ZFPM2: variants seen among roughly 807,000 people sequenced by gnomAD.
ZFPM2 encodes zinc finger protein ZFPM2.
In ZFPM2, 20 loss-of-function variants were observed where a neutral mutation model predicts 98.6. The ratio of observed to expected loss-of-function variants is 0.20; its 90% confidence interval spans 0.14 to 0.29. ZFPM2 has a LOEUF of 0.29. ZFPM2 is among the 10% of genes least tolerant of loss of function. The probability of loss-of-function intolerance (pLI) is 1.00; values close to 1 mark genes in which losing one functional copy is unlikely to be tolerated. For missense variants in ZFPM2, 1,310 were observed against 1,388.6 expected (o/e 0.94, Z 0.90); for synonymous variants, 518 against 502.7 (o/e 1.03, Z -0.41).
chr8:105,515,434 A>T (rs1310037997), intron 3 of ZFPM2, among the ~76,000 whole-genome samples: 3 of 152,202 alleles, frequency 2.0e-5, no homozygotes, highest in Admixed American at 6.5e-5. Flanking sequence ...CCCTATGAAT[A>T]GCAAGAAGTA....
rs1810850299 is a variant in ZFPM2, at chr8:105,380,725, TAAC to T, written c.41-38417_41-38415del. 1.2e-4 allele frequency among the ~76,000 whole-genome samples: 5 copies of T among 40,046 alleles called. 1 individual carries two copies. Among genetic ancestry groups the T allele is most frequent in the Admixed American group, 1.0e-3 (2 of 1,980 alleles). 26.3% of individuals were successfully genotyped at this position (40,046 alleles called of 152,430 possible). A position where few individuals can be genotyped will look rare whatever the true frequency, so the allele number is the denominator to read the frequency against. ...ATATAATATATATATATATTATATA[TAAC>T]ATATATATTATATATATATGTTATA... On this transcript the variant is annotated intron_variant, in intron 1 of 7. Transcript: ENST00000407775.
At chr8:105,576,418 A>G (rs890513510) in intron 4 of ZFPM2, among the ~76,000 whole-genome samples, 3 of 152,192 alleles carry the variant, frequency 2.0e-5, no homozygotes, top group African/African-American at 7.2e-5. Context: ...GTGCTTATCT[A>G]GAAAAACTTA....
At chr8:105,523,478 C>T (rs958712103) in intron 3 of ZFPM2, among the ~76,000 whole-genome samples, 6 of 152,160 alleles carry the variant, frequency 3.9e-5, no homozygotes, top group Admixed American at 2.6e-4. Flanking sequence ...CCAACACCTC[C>T]CCAACCAGTG....
intron 4 of ZFPM2, among the ~76,000 whole-genome samples, chr8:105,572,366 A>G (rs762863096): frequency 3.9e-5 from 6 of 152,086 alleles, no homozygotes; most frequent in Non-Finnish European, 7.4e-5. Context: ...AGAGAATAAT[A>G]AAGTAATATT....
chr8:105,602,813 G>A (rs1251150855), intron 4 of ZFPM2, among the ~76,000 whole-genome samples: 1 of 152,128 alleles, frequency 6.6e-6, no homozygotes, highest in African/African-American at 2.4e-5. Context: ...TATTTGACTG[G>A]TAGAGGCCAC....
At chr8:105,556,924 T>C (rs918848231) in intron 3 of ZFPM2, among the ~76,000 whole-genome samples, 29 of 152,124 alleles carry the variant, frequency 1.9e-4, no homozygotes, top group African/African-American at 6.3e-4. Flanking sequence ...GGTTTCACCA[T>C]GTTCACCAGG....
chr8:105,727,650 A>T (rs1811844196), intron 5 of ZFPM2, among the ~76,000 whole-genome samples: 1 of 151,738 alleles, frequency 6.6e-6, no homozygotes, highest in African/African-American at 2.4e-5. Flanking sequence ...TCAGGTTACA[A>T]ACTAATTATA....
At chr8:105,599,134 A>C (rs1357389451) in intron 4 of ZFPM2, among the ~76,000 whole-genome samples, 1 of 152,084 alleles carries the variant, frequency 6.6e-6, no homozygotes, top group Non-Finnish European at 1.5e-5. Flanking sequence ...TAAGAAAAAA[A>C]TTAAAAGGCC....
chr8:105,667,262 A>C (rs149752396), intron 5 of ZFPM2, among the ~76,000 whole-genome samples: 273 of 152,330 alleles, frequency 1.8e-3, no homozygotes, highest in Middle Eastern at 6.8e-3. Context: ...CAGCTTTCCA[A>C]TACTTGAAAG....
At chr8:105,456,427 T>C (rs150210450) in intron 3 of ZFPM2, among the ~76,000 whole-genome samples, 201 of 152,170 alleles carry the variant, frequency 1.3e-3, no homozygotes, top group African/African-American at 4.5e-3. Context: ...CAAATAAATA[T>C]GTAAAATAAA....
chr8:105,441,455 A>AGAAAGGAAGGAAGG (rs1554604944), intron 2 of ZFPM2, among the ~76,000 whole-genome samples: 1 of 56,532 alleles, frequency 1.8e-5, no homozygotes, highest in African/African-American at 9.9e-5. Flanking sequence ...AGAGAGAGAG[A>AGAAAGGAAGGAAGG]AAGAAAGAAA....
intron 4 of ZFPM2, among the ~76,000 whole-genome samples, chr8:105,610,200 T>C (rs187197452): frequency 1.0e-3 from 156 of 152,332 alleles, no homozygotes; most frequent in African/African-American, 3.6e-3. Context: ...GCCCAGGCTG[T>C]ATCTTTTCCG....
At chr8:105,437,766 G>A (rs2079645218) in intron 2 of ZFPM2, among the ~76,000 whole-genome samples, 1 of 152,172 alleles carries the variant, frequency 6.6e-6, no homozygotes, top group Admixed American at 6.5e-5. Flanking sequence ...TTTCTGGCCA[G>A]GAGTGGTGGC....
intron 4 of ZFPM2, among the ~76,000 whole-genome samples, chr8:105,581,575 C>G (rs1238995759): frequency 6.6e-6 from 1 of 152,068 alleles, no homozygotes; most frequent in Non-Finnish European, 1.5e-5. Context: ...GTAATTGGAT[C>G]AGAGCATAGA....
chr8:105,366,676 C>A (rs992239861), intron 1 of ZFPM2, among the ~76,000 whole-genome samples: 3 of 124,400 alleles, frequency 2.4e-5, no homozygotes, highest in Non-Finnish European at 5.0e-5. Flanking sequence ...CCCCTCCCCC[C>A]ACCCCACCAT....
At chr8:105,636,372 G>A (rs186602480) in intron 5 of ZFPM2, among the ~76,000 whole-genome samples, 1 of 152,236 alleles carries the variant, frequency 6.6e-6, no homozygotes, top group African/African-American at 2.4e-5. Context: ...CATGCATTGA[G>A]TCCAACTATG....
At chr8:105,720,750 G>A (rs6997743) in intron 5 of ZFPM2, among the ~76,000 whole-genome samples, 30,374 of 151,618 alleles carry the variant, frequency 0.2, 3,237 homozygotes, top group Non-Finnish European at 0.22. Flanking sequence ...TCCTAAAATA[G>A]ATATATAGAT....
chr8:105,555,142 T>G (rs1814956513), intron 3 of ZFPM2, among the ~76,000 whole-genome samples: 1 of 151,956 alleles, frequency 6.6e-6, no homozygotes, highest in African/African-American at 2.4e-5. Flanking sequence ...TTTAAAAGTA[T>G]GCATTATCAA....
chr8:105,609,391 AGTCAT>A (rs1044036236), intron 4 of ZFPM2, among the ~76,000 whole-genome samples: 1 of 152,180 alleles, frequency 6.6e-6, no homozygotes, highest in African/African-American at 2.4e-5. Flanking sequence ...AAACTTATCA[AGTCAT>A]CATTCTAGAA....
Sources: gnomAD v4.1 joint callset for allele counts (sites outside exome capture counted in the v4.1 genomes callset) on GRCh38, gnomAD v4.1.1 for gene constraint, MANE v1.5 for transcripts, NCBI Gene and HGNC (gene_info 2026-07-23, HGNC 2026-07-21) for gene names.